MTUS2: variants seen among roughly 807,000 people sequenced by gnomAD.
MTUS2 encodes the protein microtubule-associated tumor suppressor candidate 2.
In MTUS2, 40 loss-of-function variants were observed where a neutral mutation model predicts 114.1. The ratio of observed to expected loss-of-function variants is 0.35; its 90% CI spans 0.27 to 0.46. The LOEUF is 0.46. Among genes scored for constraint, MTUS2 ranks in the 20% least tolerant of loss-of-function variants. The probability of loss-of-function intolerance (pLI) is 1.00; values close to 1 mark genes in which losing one functional copy is unlikely to be tolerated. For missense variants in MTUS2, 1,679 were observed against 1,705.4 expected (o/e 0.98, Z 0.27); for synonymous variants, 688 against 672.0 (o/e 1.02, Z -0.37).
intron 2 of MTUS2, among the ~76,000 whole-genome samples, chr13:28,989,074 A>C (rs549799320): frequency 1.3e-5 from 2 of 152,204 alleles, no homozygotes; most frequent in Non-Finnish European, 2.9e-5. Flanking sequence ...TCTTGTCAGC[A>C]GTTTCATTGG....
chr13:28,956,514 A>G (rs1403153963), intron 2 of MTUS2, among the ~76,000 whole-genome samples: 1 of 152,200 alleles, frequency 6.6e-6, no homozygotes, highest in African/African-American at 2.4e-5. Context: ...TTTTTCAAAA[A>G]GGATAGAATC....
rs533723783 is a variant in MTUS2, at chr13:29,050,080, T to G, written c.2446+15955T>G. On this transcript the variant is annotated intron_variant, in intron 4 of 15. Transcript: ENST00000612955. ...TGCCCTCTGAGAAGATGAGTAAGGGTCAGAGTCTCCACCTCCCTATTCCCC... is the reference window on the plus strand; with the variant it reads ...TGCCCTCTGAGAAGATGAGTAAGGGGCAGAGTCTCCACCTCCCTATTCCCC... Among the ~76,000 whole-genome samples the G allele has an allele frequency of 2.4e-4, 36 of 152,124 alleles. No homozygotes were observed. The East Asian group carries it at 6.8e-3, about 29-fold the overall frequency.
chr13:29,176,968 A>G (rs1893801052), intron 5 of MTUS2, among the ~76,000 whole-genome samples: 2 of 150,592 alleles, frequency 1.3e-5, no homozygotes, highest in East Asian at 3.9e-4. Flanking sequence ...TGCCGTAGAG[A>G]GATTGTAGGG....
chr13:28,969,798 C>T (rs187754902), intron 2 of MTUS2, among the ~76,000 whole-genome samples: 2,383 of 148,988 alleles, frequency 0.016, 70 homozygotes, highest in African/African-American at 0.056. Context: ...CCACTGCGCC[C>T]GGCTGAAGTT....
intron 5 of MTUS2, among the ~76,000 whole-genome samples, chr13:29,252,692 A>G (rs1897163555): frequency 6.6e-6 from 1 of 152,048 alleles, no homozygotes; most frequent in African/African-American, 2.4e-5. Flanking sequence ...AGTTTCCCCC[A>G]TACTGTTCTC....
chr13:29,300,259 G>C (rs1277433773), intron 6 of MTUS2, among the ~76,000 whole-genome samples: 1 of 152,114 alleles, frequency 6.6e-6, no homozygotes, highest in Non-Finnish European at 1.5e-5. Flanking sequence ...CCTGTAGGCT[G>C]GTCTGAAACC....
chr13:29,299,217 G>C (rs1331872943), intron 6 of MTUS2, among the ~76,000 whole-genome samples: 1 of 152,184 alleles, frequency 6.6e-6, no homozygotes, highest in Admixed American at 6.5e-5. Flanking sequence ...CCACATGAGT[G>C]CATGTCTTAG....
rs543316116 is a variant in MTUS2 at position 29,504,005 on chromosome 13, C to T, written c.*799C>T. 33 of 231,240 alleles carry T rather than the reference C, an allele frequency of 1.4e-4. No homozygotes were observed. The East Asian group carries it at 1.6e-3, about 11-fold the overall frequency. 14.3% of individuals were successfully genotyped at this position (231,240 alleles called of 1,614,324 possible). A position where few individuals can be genotyped will look rare whatever the true frequency, so the allele number is the denominator to read the frequency against. ...TGTTACCCATGACAGTGACTCATCT[C>T]TGATAGTCTTGTAAACACAAGTTTT... On this transcript the variant is annotated 3_prime_UTR_variant, in exon 16 of 16. Coordinates refer to ENST00000612955, the MANE Select transcript of MTUS2 (RefSeq NM_001033602.4).
At chr13:29,035,927 TGGA>T (rs1317487247) in intron 4 of MTUS2, among the ~76,000 whole-genome samples, 1 of 151,984 alleles carries the variant, frequency 6.6e-6, no homozygotes, top group Non-Finnish European at 1.5e-5. Context: ...GACGGATCGC[TGGA>T]GGCCAGGAGT....
At chr13:28,831,194 T>C (rs575360324) in intron 1 of MTUS2, among the ~76,000 whole-genome samples, 2 of 152,008 alleles carry the variant, frequency 1.3e-5, no homozygotes, top group Non-Finnish European at 1.5e-5. Context: ...TTGAAAAATA[T>C]CTATTTAACA....
chr13:29,305,963 G>C (rs998614330), intron 6 of MTUS2, among the ~76,000 whole-genome samples: 1 of 152,170 alleles, frequency 6.6e-6, no homozygotes, highest in African/African-American at 2.4e-5. Flanking sequence ...TTCATCCCAG[G>C]ATGCAAGGTT....
At chr13:29,114,952 C>T (rs555657119) in intron 5 of MTUS2, among the ~76,000 whole-genome samples, 1 of 152,202 alleles carries the variant, frequency 6.6e-6, no homozygotes, top group African/African-American at 2.4e-5. Flanking sequence ...ACACATCTTA[C>T]CCCCATGAAT....
intron 5 of MTUS2, among the ~76,000 whole-genome samples, chr13:29,251,154 A>G (rs906099019): frequency 5.9e-5 from 9 of 152,192 alleles, no homozygotes; most frequent in African/African-American, 1.9e-4. Flanking sequence ...ATACGAGAAC[A>G]AGATCATTTA....
chr13:28,859,013 AT>A (rs1366861992), intron 2 of MTUS2, among the ~76,000 whole-genome samples: 4 of 152,202 alleles, frequency 2.6e-5, no homozygotes, highest in Non-Finnish European at 5.9e-5. Context: ...GGAAGCAAGA[AT>A]AATTTGGTAG....
Position 29,279,830 on chromosome 13 carries a change from C to T in MTUS2, c.2645-1874C>T, listed in dbSNP as rs563453980. Among the ~76,000 whole-genome samples, 3 of 152,198 alleles carry T rather than the reference C, an allele frequency of 2.0e-5. No homozygotes were observed. The East Asian group carries it at 5.8e-4, about 29-fold the overall frequency. On this transcript the variant is annotated intron_variant, in intron 5 of 15. Coordinates refer to ENST00000612955, the MANE Select transcript of MTUS2 (RefSeq NM_001033602.4). ...ATAAATTTCATGTAAGAGAATGATG[C>T]CAGATGCAAGAGGATTTGATACAAG...
At chr13:29,076,158 CAGCTTCTTCATAA>C (rs1889184264) in intron 4 of MTUS2, among the ~76,000 whole-genome samples, 1 of 152,222 alleles carries the variant, frequency 6.6e-6, no homozygotes, top group South Asian at 2.1e-4. Context: ...CCTTCACTGA[CAGCTTCTTCATAA>C]AGCTTCTTCT....
chr13:28,868,223 A>G (rs1004035300), intron 2 of MTUS2, among the ~76,000 whole-genome samples: 14 of 152,206 alleles, frequency 9.2e-5, no homozygotes. Flanking sequence ...TGATATAGTA[A>G]TTCATAATTT....
chr13:29,432,275 G>A (rs1433155105), intron 8 of MTUS2, among the ~76,000 whole-genome samples: 1 of 152,086 alleles, frequency 6.6e-6, no homozygotes, highest in Admixed American at 6.5e-5. Flanking sequence ...ATATGACCCA[G>A]ATGGATCCCA....
At chr13:29,269,463 C>T (rs1049024800) in intron 5 of MTUS2, among the ~76,000 whole-genome samples, 1 of 152,028 alleles carries the variant, frequency 6.6e-6, no homozygotes, top group Non-Finnish European at 1.5e-5. Flanking sequence ...TGATACGAAG[C>T]CAGAGTTAAC....
Sources: allele counts gnomAD v4.1 joint callset (sites outside exome capture counted in the v4.1 genomes callset), GRCh38; gene constraint gnomAD v4.1.1; transcripts MANE v1.5; gene names NCBI Gene and HGNC (gene_info 2026-07-23, HGNC 2026-07-21).